Variants in LUC7L observed in about 807,000 individuals in gnomAD.
LUC7L encodes the protein LUC7 like, also known as putative RNA-binding protein Luc7-like 1.
In LUC7L, 29 loss-of-function variants were observed where a neutral mutation model predicts 51.1. The observed-to-expected ratio is 0.57, with a 90% CI of 0.42 to 0.77. The LOEUF (loss-of-function observed/expected upper bound fraction) is 0.77, where lower values mean the gene tolerates loss of function less well. Ranked by LOEUF, LUC7L falls within the 30% of genes least tolerant of loss-of-function variation. The pLI, the probability that LUC7L is intolerant of heterozygous loss-of-function variation, is 0.00. For synonymous variants in LUC7L, 181 were observed against 180.7 expected (o/e 1.00, Z -0.01); for missense variants, 403 against 511.9 (o/e 0.79, Z 2.05).
chr16:225,426 C>T (rs1342989245), intron 2 of LUC7L, among the ~76,000 whole-genome samples: 2 of 147,498 alleles, frequency 1.4e-5, no homozygotes, highest in African/African-American at 5.0e-5. Flanking sequence ...GCAGAGGTTG[C>T]GGTGAGCCAC....
intron 5 of LUC7L, among the ~76,000 whole-genome samples, chr16:204,705 T>C (rs1427176016): frequency 6.6e-6 from 1 of 152,148 alleles, no homozygotes; most frequent in Non-Finnish European, 1.5e-5. Flanking sequence ...ACAAGATGAA[T>C]TGTCCGTCTG....
At chr16:208,724 C>T (rs1219758617) in intron 3 of LUC7L, 5 of 707,886 alleles carry the variant, frequency 7.1e-6, no homozygotes, top group Non-Finnish European at 8.7e-6. Flanking sequence ...TTTGTTATTG[C>T]CTACTATCTA....
chr16:207,178 G>A (rs1407280700), intron 4 of LUC7L, among the ~76,000 whole-genome samples: 1 of 150,910 alleles, frequency 6.6e-6, no homozygotes, highest in African/African-American at 2.4e-5. Flanking sequence ...CAGCCTGGGC[G>A]ACAGAACAAG....
intron 3 of LUC7L, among the ~76,000 whole-genome samples, chr16:212,193 T>C (rs1400288851): frequency 6.6e-6 from 1 of 152,184 alleles, no homozygotes; most frequent in Admixed American, 6.6e-5. Flanking sequence ...CTCAGGAGGC[T>C]GAGGCAGGAG....
chr16:193,124 T>A, intron 6 of LUC7L, 109 bp from the exon 7 acceptor site: 1 of 864,130 alleles, frequency 1.2e-6, no homozygotes, highest in Non-Finnish European at 1.9e-6. Context: ...ATTTAAAAAT[T>A]GAAGGGACAC....
At chr16:219,223 T>C (rs1596670011) in intron 3 of LUC7L, among the ~76,000 whole-genome samples, 1 of 151,944 alleles carries the variant, frequency 6.6e-6, no homozygotes, top group East Asian at 2.0e-4. Flanking sequence ...ACCCCATCTC[T>C]ACCAAAAATA....
chr16:196,904 ATCT>A (rs1453909626), intron 6 of LUC7L, among the ~76,000 whole-genome samples: 1 of 134,952 alleles, frequency 7.4e-6, no homozygotes, highest in Admixed American at 7.6e-5. Flanking sequence ...ATACTTTTAC[ATCT>A]TTTTTTTTTT....
At chr16:196,527 AAAC>A (rs2049154027) in intron 6 of LUC7L, among the ~76,000 whole-genome samples, 1 of 54,582 alleles carries the variant, frequency 1.8e-5, no homozygotes, top group Non-Finnish European at 6.1e-5. Flanking sequence ...AGTGGCTAAC[AAAC>A]AATTTTTTTT....
chr16:189,646 C>G, intron 9 of LUC7L: 1 of 1,321,658 alleles, frequency 7.6e-7, no homozygotes, highest in South Asian at 2.5e-5. Flanking sequence ...AAAAAAATAT[C>G]AAAAACAAAA....
In LUC7L at chr16:189,405, T is replaced by C. The variant is rs2048949384; in HGVS notation, c.975-66A>G. 1.0e-5 allele frequency: 16 copies of C among 1,539,958 alleles called. No individual in the cohort carries two copies. The South Asian group carries it at 2.0e-4, about 19-fold the overall frequency. On this transcript the variant is annotated intron_variant, in intron 9 of 9. Coordinates refer to ENST00000293872, the MANE Select transcript of LUC7L (RefSeq NM_201412.3). Reference sequence around the variant, plus strand: ...CCCCTTCTGCTGGCCGCTCAGGCACTGACGATGGACCCGCAGACCAGGCCA... The same window carrying C: ...CCCCTTCTGCTGGCCGCTCAGGCACCGACGATGGACCCGCAGACCAGGCCA...
chr16:215,857 G>A (rs2142096189), intron 3 of LUC7L, among the ~76,000 whole-genome samples: 1 of 152,046 alleles, frequency 6.6e-6, no homozygotes, highest in Middle Eastern at 3.4e-3. Flanking sequence ...CAACACTGCT[G>A]CTCCACCACA....
At chr16:199,756 CA>C (rs11361921) in intron 5 of LUC7L, among the ~76,000 whole-genome samples, 38,343 of 62,696 alleles carry the variant, frequency 0.61, 9,760 homozygotes, top group African/African-American at 0.7. Flanking sequence ...AACCCTGTCT[CA>C]AAAAAAAAAA....
intron 1 of LUC7L, chr16:227,678 A>G: frequency 2.8e-6 from 3 of 1,082,756 alleles, no homozygotes; most frequent in Non-Finnish European, 3.4e-6. Context: ...TCAGAGGTCC[A>G]TGAACCACCA....
intron 2 of LUC7L, among the ~76,000 whole-genome samples, chr16:222,199 T>A (rs938337031): frequency 6.6e-6 from 1 of 152,086 alleles, no homozygotes; most frequent in South Asian, 2.1e-4. Flanking sequence ...CCTCTCGCCA[T>A]CTACACAGCA....
At position 208,022 on chromosome 16, in the gene LUC7L, A is replaced by G. The variant is rs1240792804; in HGVS notation, c.366+56T>C. The G allele has an allele frequency of 3.2e-6, 4 of 1,264,572 alleles. No individual in the cohort carries two copies. The African/African-American group carries it at 4.6e-5, about 15-fold the overall frequency. 78.3% of individuals were successfully genotyped at this position (1,264,572 alleles called of 1,614,324 possible). Reference sequence around the variant, plus strand: ...AGACTCCATCTCAAAAAAAAAAGCTATTGACAAGCCAGTATTTTTAAGAAC... The same window carrying G: ...AGACTCCATCTCAAAAAAAAAAGCTGTTGACAAGCCAGTATTTTTAAGAAC... On this transcript the variant is annotated intron_variant, in intron 4 of 9. Transcript: ENST00000293872.
At chr16:211,843 G>T (rs1316435817) in intron 3 of LUC7L, among the ~76,000 whole-genome samples, 1 of 152,166 alleles carries the variant, frequency 6.6e-6, no homozygotes, top group Admixed American at 6.6e-5. Flanking sequence ...CTCCACACAC[G>T]GACTGCCTGG....
chr16:189,232 C>T lies in LUC7L; in HGVS notation c.1082G>A (p.Arg361Gln), dbSNP rs766717488. The T allele has an allele frequency of 1.9e-5, 30 of 1,614,020 alleles. No homozygotes were observed. The South Asian group carries it at 2.0e-4, about 11-fold the overall frequency. Reference protein sequence around the residue: ...LESSNGKMASRRSEEKEAGEI With the variant: ...LESSNGKMASQRSEEKEAGEI ...GCCGGCCTCCTTCTCTTCTGACCTCCGTGAAGCCATCTTCCCGTTGGAGCT... is the reference window on the plus strand; with the variant it reads ...GCCGGCCTCCTTCTCTTCTGACCTCTGTGAAGCCATCTTCCCGTTGGAGCT... Residue 361 changes from arginine to glutamine, a missense_variant, in exon 10 of 10, where the codon CGG (arginine) becomes CAG (glutamine). Arg to Gln is a conservative substitution (Grantham distance 43, BLOSUM62 1). Around this residue, in one of 3 missense-constraint regions of LUC7L, gnomAD observed 206 missense variants for 218.3 expected, o/e 0.94. Coordinates refer to ENST00000293872, the MANE Select transcript of LUC7L (RefSeq NM_201412.3).
chr16:199,261 T>C (rs868477230), intron 5 of LUC7L, 23 bp from the exon 6 acceptor site: 1 of 1,558,586 alleles, frequency 6.4e-7, no homozygotes, highest in Middle Eastern at 1.7e-4. Context: ...AATGGAGAAA[T>C]AAAAGTGAGG....
At chr16:210,492 T>G (rs539983168) in intron 3 of LUC7L, among the ~76,000 whole-genome samples, 1 of 152,274 alleles carries the variant, frequency 6.6e-6, no homozygotes, top group East Asian at 1.9e-4. Context: ...AGGGTCACTG[T>G]GCCTTCTCTT....
Sources: gnomAD v4.1 joint callset for allele counts (sites outside exome capture counted in the v4.1 genomes callset) on GRCh38, gnomAD v4.1.1 for gene constraint, gnomAD v4.1.1 regional missense constraint, MANE v1.5 for transcripts, NCBI Gene and HGNC (gene_info 2026-07-23, HGNC 2026-07-21) for gene names.